FNDC1: variants seen among roughly 807,000 people sequenced by gnomAD.
FNDC1 encodes the protein fibronectin type III domain containing 1, also known as fibronectin type III domain-containing protein 1.
A neutral mutation model predicts 168.0 loss-of-function variants in FNDC1; 96 were observed. That is an observed-to-expected ratio of 0.57 (90% CI 0.48 to 0.68). FNDC1 has a LOEUF of 0.68. FNDC1 is among the 30% of genes least tolerant of loss of function. The pLI, the probability that FNDC1 is intolerant of heterozygous loss-of-function variation, is 0.00. For synonymous variants in FNDC1, 1,099 were observed against 1,025.9 expected (o/e 1.07, Z -1.36); for missense variants, 2,587 against 2,482.1 (o/e 1.04, Z -0.90).
In FNDC1 at chr6:159,253,425, G is replaced by A. The variant is rs748564759; in HGVS notation, c.5065+1893G>A. Among the ~76,000 whole-genome samples the A allele has an allele frequency of 2.7e-4, 41 of 152,048 alleles. 1 individual carries two copies. Among genetic ancestry groups the A allele is most frequent in the Non-Finnish European group, 5.9e-4 (40 of 68,014 alleles). ...AACTTAAATGAAGCATCACATTATC[G>A]GGCCCCCTGCAGGGCATTTGAATCC... On this transcript the variant is annotated intron_variant, in intron 17 of 22. Coordinates refer to ENST00000297267, the MANE Select transcript of FNDC1 (RefSeq NM_032532.3).
Position 159,240,033 on chromosome 6 carries a change from C to G in FNDC1, c.4621+76C>G, listed in dbSNP as rs995075996. On this transcript the variant is annotated intron_variant, in intron 14 of 22. Transcript: ENST00000297267. ...CGCAACTCAGAGCAGGGTGGCAGAGCCTGCAGGGGAGGTATGAGCACCGTG... is the reference window on the plus strand; with the variant it reads ...CGCAACTCAGAGCAGGGTGGCAGAGGCTGCAGGGGAGGTATGAGCACCGTG... 16 of 1,358,404 alleles carry G rather than the reference C, an allele frequency of 1.2e-5. No homozygotes were observed. The Middle Eastern group carries it at 5.6e-4, about 48-fold the overall frequency. 84.1% of individuals were successfully genotyped at this position (1,358,404 alleles called of 1,614,324 possible).
At chr6:159,175,043 A>C (rs758857294) in intron 1 of FNDC1, among the ~76,000 whole-genome samples, 1 of 152,214 alleles carries the variant, frequency 6.6e-6, no homozygotes, top group African/African-American at 2.4e-5. Context: ...AGAGGTGTTC[A>C]TGTTAATTAC....
chr6:159,171,686 A>G (rs1369644143), intron 1 of FNDC1, among the ~76,000 whole-genome samples: 1 of 152,196 alleles, frequency 6.6e-6, no homozygotes, highest in African/African-American at 2.4e-5. Flanking sequence ...TCCTCCACTC[A>G]TATTCATCCC....
At chr6:159,213,056 A>G (rs745808532) in intron 4 of FNDC1, among the ~76,000 whole-genome samples, 8 of 152,202 alleles carry the variant, frequency 5.3e-5, no homozygotes, top group African/African-American at 1.2e-4. Context: ...TAGATGAACT[A>G]TGTGAGAGCT....
chr6:159,191,344 C>T (rs954334122), intron 1 of FNDC1, among the ~76,000 whole-genome samples: 2 of 152,168 alleles, frequency 1.3e-5, no homozygotes, highest in Admixed American at 1.3e-4. Flanking sequence ...CCAAAGATAA[C>T]TCAAATCTAT....
chr6:159,253,982 G>A (rs1355617495), intron 17 of FNDC1, among the ~76,000 whole-genome samples: 1 of 152,196 alleles, frequency 6.6e-6, no homozygotes, highest in Admixed American at 6.5e-5. Flanking sequence ...TGTGCCAGAC[G>A]GGAAATGCCG....
chr6:159,236,946 A>G (rs1053850250), intron 12 of FNDC1, among the ~76,000 whole-genome samples: 1 of 152,208 alleles, frequency 6.6e-6, no homozygotes, highest in African/African-American at 2.4e-5. Flanking sequence ...AACACTTTAC[A>G]ATATTCAGGA....
intron 1 of FNDC1, among the ~76,000 whole-genome samples, chr6:159,194,490 C>T (rs753504577): frequency 4.6e-5 from 7 of 152,168 alleles, no homozygotes; most frequent in Non-Finnish European, 8.8e-5. Context: ...TCTAAGAATA[C>T]TTAAAAATAA....
At chr6:159,268,038 T>G (rs1019303116) in intron 22 of FNDC1, 112 bp downstream of exon 22, 41 of 1,102,342 alleles carry the variant, frequency 3.7e-5, no homozygotes, top group Non-Finnish European at 5.0e-5. Context: ...AAGATGGATG[T>G]TGGGAGCACT....
At chr6:159,177,502 A>C (rs1394177305) in intron 1 of FNDC1, among the ~76,000 whole-genome samples, 2 of 152,048 alleles carry the variant, frequency 1.3e-5, no homozygotes, top group African/African-American at 4.8e-5. Context: ...CTAGGAGCTC[A>C]GGAGAAGCCT....
chr6:159,204,345 C>A (rs534963956), intron 4 of FNDC1, among the ~76,000 whole-genome samples: 1 of 152,126 alleles, frequency 6.6e-6, no homozygotes, highest in African/African-American at 2.4e-5. Context: ...GCTCTAACTG[C>A]CACCTCCCCT....
In FNDC1 at chr6:159,215,030, G is replaced by C. The variant is rs1277729915; in HGVS notation, c.546G>C (p.Leu182=). Residue 182 remains leucine (L), a synonymous_variant, in exon 5 of 23, where the codon CTG becomes CTC. Coordinates refer to ENST00000297267, the MANE Select transcript of FNDC1 (RefSeq NM_032532.3). The part of the protein sequence containing the change: ...RLSVAWKAPR[L]SGAKSPRRSR... ...CCGTTGCGTGGAAGGCACCACGCCT[G>C]TCTGGAGCCAAGAGTCCACGCAGAT... 6.2e-7 allele frequency: 1 copy of C among 1,613,940 alleles called. No homozygotes were observed. The highest frequency in any genetic ancestry group is 1.3e-5 in the African/African-American group (1 of 74,946).
chr6:159,206,305 C>T (rs930846549), intron 4 of FNDC1, among the ~76,000 whole-genome samples: 8 of 152,234 alleles, frequency 5.3e-5, no homozygotes, highest in Non-Finnish European at 1.0e-4. Context: ...GGAATTAATG[C>T]TGTCTGTGAC....
At chr6:159,226,887 G>C (rs1045282317) in intron 9 of FNDC1, among the ~76,000 whole-genome samples, 1 of 152,210 alleles carries the variant, frequency 6.6e-6, no homozygotes, top group African/African-American at 2.4e-5. Context: ...TCCATGCTAT[G>C]GGTCTTTTCG....
intron 19 of FNDC1, among the ~76,000 whole-genome samples, chr6:159,264,351 G>A (rs1034932529): frequency 2.0e-5 from 3 of 152,154 alleles, no homozygotes; most frequent in Non-Finnish European, 4.4e-5. Flanking sequence ...GAACTCCTTT[G>A]ACTGGCTTCT....
intron 11 of FNDC1, 52 bp downstream of exon 11, chr6:159,234,531 G>T: frequency 6.4e-7 from 1 of 1,564,698 alleles, no homozygotes; most frequent in East Asian, 2.3e-5. Context: ...TGGTGTTCAT[G>T]GCAATGCCTA....
chr6:159,203,487 C>A (rs1343126977), intron 4 of FNDC1, among the ~76,000 whole-genome samples: 1 of 152,142 alleles, frequency 6.6e-6, no homozygotes, highest in Non-Finnish European at 1.5e-5. Flanking sequence ...AAATATGAAA[C>A]CTCTCAGCAC....
chr6:159,252,988 A>G (rs892501122), intron 17 of FNDC1, among the ~76,000 whole-genome samples: 1 of 152,142 alleles, frequency 6.6e-6, no homozygotes, highest in Non-Finnish European at 1.5e-5. Context: ...AATGTCTCTG[A>G]GACTTAATTT....
chr6:159,222,984 ATTTTTTTTTT>A (rs201310702), intron 6 of FNDC1, among the ~76,000 whole-genome samples: 14 of 116,880 alleles, frequency 1.2e-4, no homozygotes, highest in African/African-American at 2.1e-4. Context: ...TGAAATACTC[ATTTTTTTTTT>A]TTTTTTTTTT....
Sources: allele counts gnomAD v4.1 joint callset (sites outside exome capture counted in the v4.1 genomes callset), GRCh38; gene constraint gnomAD v4.1.1; transcripts MANE v1.5; gene names NCBI Gene and HGNC (gene_info 2026-07-23, HGNC 2026-07-21).